The following SUDS3 variants were observed in gnomAD, a reference collection of about 807,000 sequenced individuals.
SUDS3 encodes the protein sin3 histone deacetylase corepressor complex component SDS3.
SUDS3 carries 23 observed loss-of-function variants against 53.5 expected under a neutral mutation model. That is an observed-to-expected ratio of 0.43 (90% CI 0.31 to 0.61). SUDS3 has a LOEUF of 0.61. SUDS3 is among the 20% of genes least tolerant of loss of function. SUDS3 has a pLI of 0.10. For synonymous variants in SUDS3, 150 were observed against 148.5 expected, an observed-to-expected ratio of 1.01 and a Z score of -0.08; for missense variants, 291 against 405.9, an observed-to-expected ratio of 0.72 and a Z score of 2.43.
intron 6 of SUDS3, 46 bp downstream of exon 6, chr12:118,391,328 G>A (rs767661363): frequency 1.9e-6 from 3 of 1,556,798 alleles, no homozygotes; most frequent in Non-Finnish European, 2.6e-6. Flanking sequence ...CTGAGCGGGG[G>A]GGTGTGAAGG....
intron 5 of SUDS3, chr12:118,390,858 G>C (rs955118907): frequency 8.6e-5 from 38 of 442,666 alleles, no homozygotes; most frequent in African/African-American, 7.1e-4. Flanking sequence ...TACTACCTTT[G>C]AGAAATGTGT....
chr12:118,412,556 A>G (rs2141395884), intron 11 of SUDS3, among the ~76,000 whole-genome samples: 1 of 152,330 alleles, frequency 6.6e-6, no homozygotes, highest in Non-Finnish European at 1.5e-5. Context: ...AGTCAGAACC[A>G]GAACAGGGAA....
intron 11 of SUDS3, among the ~76,000 whole-genome samples, chr12:118,413,546 T>TG (rs1278376231): frequency 3.9e-5 from 6 of 152,324 alleles, no homozygotes; most frequent in African/African-American, 1.4e-4. Context: ...GCATGGTGTC[T>TG]GGCACACAGA....
intron 2 of SUDS3, among the ~76,000 whole-genome samples, chr12:118,380,712 C>CT (rs1012401660): frequency 6.6e-6 from 1 of 152,068 alleles, no homozygotes; most frequent in African/African-American, 2.4e-5. Context: ...ACTACTTACT[C>CT]TTTTTTTTCC....
chr12:118,417,468 C>T lies in SUDS3; in HGVS notation c.*3035C>T, dbSNP rs944625203. 1 of 151,252 alleles carries T rather than the reference C, an allele frequency of 6.6e-6. No individual in the cohort carries two copies. The highest frequency in any genetic ancestry group is 1.5e-5 in the Non-Finnish European group (1 of 67,784). 9.4% of individuals were successfully genotyped at this position (151,252 alleles called of 1,614,324 possible). A position where few individuals can be genotyped will look rare whatever the true frequency, so the allele number is the denominator to read the frequency against. Reference sequence around the variant, plus strand: ...TTTGAATTTTTACTAAATAAATTTCCTCCTGATTAATTTTTTTTTTCTCAT... The same window carrying T: ...TTTGAATTTTTACTAAATAAATTTCTTCCTGATTAATTTTTTTTTTCTCAT... On this transcript the variant is annotated 3_prime_UTR_variant, in exon 12 of 12. Transcript: ENST00000543473.
chr12:118,380,049 C>A, intron 1 of SUDS3, 113 bp from the exon 2 acceptor site: 1 of 830,754 alleles, frequency 1.2e-6, no homozygotes, highest in Non-Finnish European at 2.0e-6. Flanking sequence ...TGCAAGCCTG[C>A]CTTGAATAGA....
chr12:118,400,326 C>A (rs912330366), intron 6 of SUDS3, among the ~76,000 whole-genome samples: 3 of 152,182 alleles, frequency 2.0e-5, no homozygotes, highest in African/African-American at 7.2e-5. Flanking sequence ...ATCCCGAGAG[C>A]CTGTGACTCT....
intron 1 of SUDS3, among the ~76,000 whole-genome samples, chr12:118,379,048 G>A (rs1012127309): frequency 3.3e-5 from 5 of 151,852 alleles, no homozygotes; most frequent in Admixed American, 3.3e-4. Flanking sequence ...CTGTCCTCAG[G>A]TGATTCTCCT....
chr12:118,391,294 C>T lies in SUDS3; in HGVS notation c.517+12C>T, dbSNP rs1424735197. The T allele has an allele frequency of 1.2e-6, 2 of 1,600,886 alleles. No individual in the cohort carries two copies. The highest frequency in any genetic ancestry group is 1.7e-6 in the Non-Finnish European group (2 of 1,175,602). On this transcript the variant is annotated intron_variant, in intron 6 of 11. Transcript: ENST00000543473. ...GGAACTGACTGGAGGTAGGAAAGCC[C>T]TATGGGGTGGGATCTTGGGGGCCCT...
At chr12:118,413,242 T>G (rs2046373760) in intron 11 of SUDS3, among the ~76,000 whole-genome samples, 1 of 152,060 alleles carries the variant, frequency 6.6e-6, no homozygotes, top group Non-Finnish European at 1.5e-5. Context: ...GAAAACTGAG[T>G]CCAGGAAGGA....
chr12:118,402,222 T>C, intron 9 of SUDS3: 1 of 565,860 alleles, frequency 1.8e-6, no homozygotes, highest in Non-Finnish European at 3.1e-6. Flanking sequence ...ATTTTTTTCT[T>C]AGGATTTATC....
At chr12:118,409,149 CTTT>C (rs559836882) in intron 10 of SUDS3, among the ~76,000 whole-genome samples, 4 of 140,050 alleles carry the variant, frequency 2.9e-5, no homozygotes, top group Non-Finnish European at 3.1e-5. Context: ...ATTTAAAATT[CTTT>C]TTTTTTTTTT....
intron 1 of SUDS3, among the ~76,000 whole-genome samples, chr12:118,379,274 T>A (rs1246640950): frequency 6.6e-6 from 1 of 151,900 alleles, no homozygotes; most frequent in East Asian, 2.0e-4. Flanking sequence ...TCATCTCTAC[T>A]AAAAATACAA....
rs377608821 is a variant in SUDS3 at position 118,409,226 on chromosome 12, C to T, written c.804-1847C>T. On this transcript the variant is annotated intron_variant, in intron 10 of 11. Transcript: ENST00000543473. The stretch of plus-strand genomic sequence containing the variant: ...GCAGTGGCATGATCTTGGCTTGCTG[C>T]AAGCTCCGCCTCCGGGGTCAAGCAA... Among the ~76,000 whole-genome samples, 85 of 151,524 alleles carry T rather than the reference C, an allele frequency of 5.6e-4. 1 individual carries two copies. The East Asian group carries it at 0.016, about 28-fold the overall frequency.
intron 3 of SUDS3, 70 bp from the exon 4 acceptor site, chr12:118,386,044 A>G (rs1566198133): frequency 2.4e-6 from 3 of 1,266,832 alleles, no homozygotes; most frequent in African/African-American, 3.0e-5. Context: ...CTAGATAATA[A>G]TTTTAGGAAG....
chr12:118,377,225 C>A (rs947655928), intron 1 of SUDS3, among the ~76,000 whole-genome samples: 1 of 152,000 alleles, frequency 6.6e-6, no homozygotes, highest in Admixed American at 6.6e-5. Context: ...CCCTCCCCAC[C>A]CCCGAAATGC....
intron 6 of SUDS3, 71 bp from the exon 7 acceptor site, chr12:118,400,588 T>TTATACTA: frequency 6.9e-7 from 1 of 1,452,148 alleles, no homozygotes; most frequent in Non-Finnish European, 9.7e-7. Flanking sequence ...GCAGATATTC[T>TTATACTA]TATACTATAG....
chr12:118,403,279 C>T, intron 9 of SUDS3, 133 bp from the exon 10 acceptor site: 3 of 719,624 alleles, frequency 4.2e-6, no homozygotes, highest in Non-Finnish European at 7.2e-6. Context: ...GCTGAAATCC[C>T]ATGCATTATC....
chr12:118,383,995 C>T lies in SUDS3; in HGVS notation c.213-17C>T, dbSNP rs760333834. ...TGAATGTTTTTATCTGTTAGTGTGACTTTTTTTTTTTTATAGGATGTATCA... is the reference window on the plus strand; with the variant it reads ...TGAATGTTTTTATCTGTTAGTGTGATTTTTTTTTTTTTATAGGATGTATCA... On this transcript the variant is annotated splice_polypyrimidine_tract_variant and intron_variant, in intron 2 of 11. Transcript: ENST00000543473. 5.0e-5 allele frequency: 68 copies of T among 1,369,356 alleles called. No individual in the cohort carries two copies. The South Asian group carries it at 8.6e-4, about 17-fold the overall frequency. 84.8% of individuals were successfully genotyped at this position (1,369,356 alleles called of 1,614,324 possible). A position where few individuals can be genotyped will look rare whatever the true frequency, so the allele number is the denominator to read the frequency against.
Sources: gnomAD v4.1 joint callset for allele counts (sites outside exome capture counted in the v4.1 genomes callset) on GRCh38, gnomAD v4.1.1 for gene constraint, MANE v1.5 for transcripts, NCBI Gene and HGNC (gene_info 2026-07-23, HGNC 2026-07-21) for gene names.